The following SMIM13 variants were observed in gnomAD, a reference collection of about 807,000 sequenced individuals.
SMIM13 encodes small integral membrane protein 13.
A neutral mutation model predicts 5.9 loss-of-function variants in SMIM13; 3 were observed. The ratio of observed to expected loss-of-function variants is 0.51; its 90% CI spans 0.23 to 1.31. The LOEUF is 1.31. SMIM13 is among the 40% of genes most tolerant of loss of function. The pLI, the probability that SMIM13 is intolerant of heterozygous loss-of-function variation, is 0.18. For missense variants in SMIM13, 85 were observed against 109.9 expected, an observed-to-expected ratio of 0.77 and a Z score of 1.01; for synonymous variants, 55 against 46.0, an observed-to-expected ratio of 1.19 and a Z score of -0.79.
chr6:11,101,140 C>T (rs1757986470), intron 1 of SMIM13, among the ~76,000 whole-genome samples: 1 of 152,104 alleles, frequency 6.6e-6, no homozygotes, highest in South Asian at 2.1e-4. Flanking sequence ...CCCTCCTCCC[C>T]CTTTCTTCTG....
intron 1 of SMIM13, among the ~76,000 whole-genome samples, chr6:11,121,331 A>G (rs1758306436): frequency 6.6e-6 from 1 of 152,154 alleles, no homozygotes. Flanking sequence ...AGTTTCTGAT[A>G]TGTGCACTTT....
At chr6:11,105,282 A>G (rs1000454643) in intron 1 of SMIM13, 1 of 1,613,874 alleles carries the variant, frequency 6.2e-7, no homozygotes, top group African/African-American at 1.3e-5. Flanking sequence ...TGAAGGCGTG[A>G]GAATGAGAAC....
At chr6:11,122,237 C>G (rs1299407204) in intron 1 of SMIM13, among the ~76,000 whole-genome samples, 1 of 152,210 alleles carries the variant, frequency 6.6e-6, no homozygotes, top group Admixed American at 6.5e-5. Context: ...TCTGTGTTTT[C>G]TAAAAACTCC....
intron 1 of SMIM13, among the ~76,000 whole-genome samples, chr6:11,119,522 C>T (rs1240846448): frequency 2.0e-5 from 3 of 152,024 alleles, no homozygotes; most frequent in Admixed American, 1.3e-4. Context: ...GGCGTGGTGG[C>T]GGGCCCCTGT....
intron 1 of SMIM13, among the ~76,000 whole-genome samples, chr6:11,096,738 T>C (rs1255657553): frequency 1.3e-5 from 2 of 151,932 alleles, no homozygotes; most frequent in African/African-American, 2.4e-5. Flanking sequence ...TCACTCTCGT[T>C]GCCCAGGCTG....
At chr6:11,099,580 G>A (rs1452747396) in intron 1 of SMIM13, among the ~76,000 whole-genome samples, 2 of 152,208 alleles carry the variant, frequency 1.3e-5, no homozygotes, top group Non-Finnish European at 2.9e-5. Flanking sequence ...GACACCTACA[G>A]AAGTGTCTGG....
chr6:11,106,330 G>A (rs922843941), intron 1 of SMIM13, among the ~76,000 whole-genome samples: 1 of 152,216 alleles, frequency 6.6e-6, no homozygotes, highest in African/African-American at 2.4e-5. Context: ...CCAGTCCTCC[G>A]CAGGGTATGT....
chr6:11,118,346 G>T (rs757604239), intron 1 of SMIM13, among the ~76,000 whole-genome samples: 3 of 152,178 alleles, frequency 2.0e-5, no homozygotes, highest in Non-Finnish European at 4.4e-5. Flanking sequence ...TATATAGTAG[G>T]ACTCTTCAGA....
intron 1 of SMIM13, among the ~76,000 whole-genome samples, chr6:11,095,147 A>G (rs1454159302): frequency 6.6e-6 from 1 of 152,240 alleles, no homozygotes; most frequent in Non-Finnish European, 1.5e-5. Flanking sequence ...TACGTAGAAC[A>G]CGTGTCAGTG....
intron 1 of SMIM13, among the ~76,000 whole-genome samples, chr6:11,129,333 C>G (rs1382701119): frequency 6.6e-6 from 1 of 152,176 alleles, no homozygotes; most frequent in Non-Finnish European, 1.5e-5. Context: ...ACCTCCAGCT[C>G]CATCCATGTT....
intron 1 of SMIM13, among the ~76,000 whole-genome samples, chr6:11,119,696 T>C (rs955541564): frequency 3.3e-5 from 5 of 151,634 alleles, no homozygotes; most frequent in Admixed American, 3.3e-4. Context: ...ATAATAACGA[T>C]GATATTTGGA....
rs73445446 is a variant in SMIM13 at position 11,101,877 on chromosome 6, T to C, written c.76+7488T>C. Among the ~76,000 whole-genome samples, 1,084 of 152,164 alleles carry C rather than the reference T, an allele frequency of 7.1e-3. 12 individuals carry two copies. The highest frequency in any genetic ancestry group is 0.025 in the African/African-American group (1,046 of 41,494). On this transcript the variant is annotated intron_variant, in intron 1 of 1. Transcript: ENST00000416247. Reference sequence around the variant, plus strand: ...GCCTCAGCCACCCAAGTAGCTGTATTACAGGCATGCGCCACCACACCCTGC... The same window carrying C: ...GCCTCAGCCACCCAAGTAGCTGTATCACAGGCATGCGCCACCACACCCTGC...
At chr6:11,103,717 T>A in intron 1 of SMIM13, 1 of 1,551,360 alleles carries the variant, frequency 6.4e-7, no homozygotes, top group Non-Finnish European at 8.7e-7. Context: ...TCTTGAATAT[T>A]GCGAGGATGG....
intron 1 of SMIM13, among the ~76,000 whole-genome samples, chr6:11,108,801 T>G (rs1473857334): frequency 1.3e-5 from 2 of 152,160 alleles, no homozygotes; most frequent in Non-Finnish European, 2.9e-5. Context: ...TCTGGTGTTG[T>G]TTGAGTTAGG....
At chr6:11,099,700 A>C (rs1377645192) in intron 1 of SMIM13, among the ~76,000 whole-genome samples, 1 of 152,232 alleles carries the variant, frequency 6.6e-6, no homozygotes, top group Non-Finnish European at 1.5e-5. Flanking sequence ...GGAGATCTCA[A>C]TACAACAGAT....
intron 1 of SMIM13, among the ~76,000 whole-genome samples, chr6:11,114,105 G>T (rs1156284750): frequency 1.3e-5 from 2 of 151,048 alleles, no homozygotes; most frequent in African/African-American, 4.9e-5. Context: ...TCAGCCTCCT[G>T]AGTAGCTGGG....
chr6:11,111,419 C>T (rs537788386), intron 1 of SMIM13, among the ~76,000 whole-genome samples: 6 of 152,138 alleles, frequency 3.9e-5, no homozygotes, highest in Non-Finnish European at 5.9e-5. Flanking sequence ...TTAGCCCTAC[C>T]GCTCTCATCA....
At chr6:11,107,910 G>C (rs1758110830) in intron 1 of SMIM13, among the ~76,000 whole-genome samples, 1 of 152,182 alleles carries the variant, frequency 6.6e-6, no homozygotes, top group Non-Finnish European at 1.5e-5. Context: ...AAGGATTCTT[G>C]GGCTGAATTA....
chr6:11,129,040 G>T (rs931030945), intron 1 of SMIM13, among the ~76,000 whole-genome samples: 6 of 151,000 alleles, frequency 4.0e-5, no homozygotes, highest in Non-Finnish European at 8.8e-5. Context: ...GTGCTTTTTT[G>T]TGTGGATAGT....
Sources: gnomAD v4.1 joint callset for allele counts (sites outside exome capture counted in the v4.1 genomes callset) on GRCh38, gnomAD v4.1.1 for gene constraint, MANE v1.5 for transcripts, NCBI Gene and HGNC (gene_info 2026-07-23, HGNC 2026-07-21) for gene names.